PKNOX1: variants seen among roughly 807,000 people sequenced by gnomAD.
PKNOX1 encodes the protein homeobox protein PKNOX1.
Under a neutral mutation model 51.9 loss-of-function variants are expected in PKNOX1, and 15 were observed. The ratio of observed to expected loss-of-function variants is 0.29; its 90% CI spans 0.19 to 0.45. The LOEUF (loss-of-function observed/expected upper bound fraction) is 0.45, where lower values mean the gene tolerates loss of function less well. Among genes scored for constraint, PKNOX1 ranks in the 20% least tolerant of loss-of-function variants. The pLI is 1.00. For synonymous variants in PKNOX1, 219 were observed against 211.1 expected (o/e 1.04, Z -0.32); for missense variants, 462 against 547.5 (o/e 0.84, Z 1.56).
At chr21:42,977,537 CTTTTTTTT>C (rs3044504) in intron 1 of PKNOX1, among the ~76,000 whole-genome samples, 31 of 47,162 alleles carry the variant, frequency 6.6e-4, no homozygotes, top group Admixed American at 1.8e-3. Flanking sequence ...CTGCTTCCAA[CTTTTTTTT>C]TTTTTTTTTT....
chr21:43,017,681 A>G (rs1002934638), intron 6 of PKNOX1: 1 of 154,940 alleles, frequency 6.5e-6, no homozygotes, highest in Non-Finnish European at 1.4e-5. Context: ...GGCTAGCAAA[A>G]GGAAGGGAGC....
At position 43,029,957 on chromosome 21, in the gene PKNOX1, C is replaced by A; in HGVS notation, c.1167C>A (p.Asp389Glu). The change falls in exon 11 of 11, where the codon GAC (aspartate) becomes GAA (glutamate). Residue 389 changes from aspartate (D) to glutamate (E), a missense_variant. By Grantham distance (45) the Asp-to-Glu change is conservative. This residue lies in a region of PKNOX1 where 118 missense variants were observed against 116.8 expected (regional missense o/e 1.01). Transcript: ENST00000291547. ...ACAGCCTTCAGTCTCTGTCCTCGGA[C>A]GGGGCCACCCTGGCGGTGCAGCAGG... ...NVDSLQSLSS[D>E]GATLAVQQVM... is the part of the protein sequence containing the mutation. 1.9e-6 allele frequency: 3 copies of A among 1,614,158 alleles called. No homozygotes were observed. The highest frequency in any genetic ancestry group is 2.5e-6 in the Non-Finnish European group (3 of 1,180,018).
At chr21:43,024,025 C>T (rs957098388) in intron 8 of PKNOX1, among the ~76,000 whole-genome samples, 3 of 151,976 alleles carry the variant, frequency 2.0e-5, no homozygotes, top group South Asian at 2.1e-4. Flanking sequence ...TGAGGCACCG[C>T]GCCTGGCCCT....
chr21:42,992,096 G>A (rs1013913359), intron 1 of PKNOX1, among the ~76,000 whole-genome samples: 2 of 152,156 alleles, frequency 1.3e-5, no homozygotes, highest in African/African-American at 2.4e-5. Flanking sequence ...AGCGTCTTTC[G>A]TGGTGCTTGC....
Position 43,006,160 on chromosome 21 carries a change from G to T in PKNOX1, c.52-1331G>T, listed in dbSNP as rs562464763. On this transcript the variant is annotated intron_variant, in intron 2 of 10. Coordinates refer to ENST00000291547, the MANE Select transcript of PKNOX1 (RefSeq NM_004571.5). ...TTATTTTGAGACAGAGTCTTGCTCT[G>T]TTGCCCCGGCTGGAGTGCAGTGGTG... Among the ~76,000 whole-genome samples the T allele has an allele frequency of 1.4e-4, 21 of 151,676 alleles. No homozygotes were observed. The East Asian group carries it at 2.9e-3, about 21-fold the overall frequency.
chr21:42,980,134 A>G (rs1601262945), intron 1 of PKNOX1, among the ~76,000 whole-genome samples: 1 of 152,274 alleles, frequency 6.6e-6, no homozygotes. Context: ...GCGCTTTGGG[A>G]GGCCGAGGTG....
rs1978713199 is a variant in PKNOX1 at position 43,000,692 on chromosome 21, G to C, written c.-56-3634G>C. Among the ~76,000 whole-genome samples, 3 of 151,796 alleles carry C rather than the reference G, an allele frequency of 2.0e-5. No individual in the cohort carries two copies. The South Asian group carries it at 6.3e-4, about 32-fold the overall frequency. ...GCTTGAGCCCAGGAATTCAAGACCA[G>C]CCTGAGCAATATAGCAAGACTTCAT... On this transcript the variant is annotated intron_variant, in intron 1 of 10. Coordinates refer to ENST00000291547, the MANE Select transcript of PKNOX1 (RefSeq NM_004571.5).
intron 1 of PKNOX1, among the ~76,000 whole-genome samples, chr21:42,975,249 G>A (rs561385395): frequency 0.035 from 5,261 of 150,164 alleles, 133 homozygotes; most frequent in Middle Eastern, 0.062. Flanking sequence ...CCGCGACCCC[G>A]GCCCCGGCCT....
intron 10 of PKNOX1, among the ~76,000 whole-genome samples, chr21:43,029,424 G>GTTTTTTTTTTTTTTTTTTTTTTTT (rs138486584): frequency 2.1e-4 from 13 of 63,288 alleles, no homozygotes; most frequent in East Asian, 4.6e-4. Flanking sequence ...TGTTTGCTTT[G>GTTTTTTTTTTTTTTTTTTTTTTTT]TTTTTTTTTT....
chr21:43,032,026 T>A lies in PKNOX1; in HGVS notation c.*1925T>A. The A allele has an allele frequency of 2.7e-6, 1 of 374,860 alleles. No homozygotes were observed. The highest frequency in any genetic ancestry group is 5.4e-6 in the Non-Finnish European group (1 of 186,448). 23.2% of individuals were successfully genotyped at this position (374,860 alleles called of 1,614,324 possible). A position where few individuals can be genotyped will look rare whatever the true frequency, so the allele number is the denominator to read the frequency against. ...ACAGGCATGCGCCACCACACCCGGC[T>A]AATTTTGTATTTTTAGTAGAGATGG... On this transcript the variant is annotated 3_prime_UTR_variant, in exon 11 of 11. Transcript: ENST00000291547.
rs1601300790 is a variant in PKNOX1, at chr21:43,021,885, C to T, written c.849+454C>T. On this transcript the variant is annotated intron_variant, in intron 8 of 10. Transcript: ENST00000291547. The surrounding 1 kb of genome is among the most constrained non-coding windows in gnomAD (Gnocchi z 4.6). ...CTGGAAGCGAGTTTGTCCCACAGGG[C>T]GCGCCGTTTTGCCCAGCACGTGTGC... is the stretch of plus-strand genomic sequence containing the variant. 6.6e-6 allele frequency among the ~76,000 whole-genome samples: 1 copy of T among 152,258 alleles called. No individual in the cohort carries two copies. The highest frequency in any genetic ancestry group is 6.5e-5 in the Admixed American group (1 of 15,288).
chr21:43,019,665 C>T (rs1192330235), intron 7 of PKNOX1, among the ~76,000 whole-genome samples: 1 of 151,798 alleles, frequency 6.6e-6, no homozygotes, highest in Non-Finnish European at 1.5e-5. Flanking sequence ...GCCTCAGCCT[C>T]CCGAGTAGCT....
At chr21:43,022,465 A>G (rs1979805349) in intron 8 of PKNOX1, among the ~76,000 whole-genome samples, 1 of 152,016 alleles carries the variant, frequency 6.6e-6, no homozygotes, top group Non-Finnish European at 1.5e-5. Context: ...ACTGGTGGGT[A>G]GTGTTGCTGA....
rs1306950129 is a variant in PKNOX1 at position 43,030,373 on chromosome 21, C to G, written c.*272C>G. On this transcript the variant is annotated 3_prime_UTR_variant, in exon 11 of 11. Transcript: ENST00000291547. ...ATTGTGAGGAATGACACACCACTCC[C>G]TCCCCACCTTGAATCCCTAATTAGA... The G allele has an allele frequency of 3.5e-6, 1 of 282,118 alleles. No homozygotes were observed. The highest frequency in any genetic ancestry group is 6.6e-6 in the Non-Finnish European group (1 of 152,092). 17.5% of individuals were successfully genotyped at this position (282,118 alleles called of 1,614,324 possible). A position where few individuals can be genotyped will look rare whatever the true frequency, so the allele number is the denominator to read the frequency against.
At chr21:42,975,610 G>T (rs1321572791) in intron 1 of PKNOX1, among the ~76,000 whole-genome samples, 1 of 152,222 alleles carries the variant, frequency 6.6e-6, no homozygotes, top group Admixed American at 6.5e-5. Context: ...TTGGACAGTG[G>T]CTCTGCGACG....
intron 1 of PKNOX1, among the ~76,000 whole-genome samples, chr21:42,975,051 G>GCGGGGA (rs1568883286): frequency 6.9e-6 from 1 of 144,652 alleles, no homozygotes. Flanking sequence ...CCGGCGCGGG[G>GCGGGGA]CGGGGGCGCG....
intron 1 of PKNOX1, among the ~76,000 whole-genome samples, chr21:42,993,079 C>G (rs1258272098): frequency 6.6e-6 from 1 of 152,064 alleles, no homozygotes; most frequent in East Asian, 1.9e-4. Flanking sequence ...AGTCGCACAC[C>G]ATCATTTCCA....
At chr21:43,012,917 C>A in intron 4 of PKNOX1, 151 bp from the exon 5 acceptor site, 2 of 628,942 alleles carry the variant, frequency 3.2e-6, no homozygotes, top group Non-Finnish European at 5.5e-6. Flanking sequence ...CGGAACAACA[C>A]ATCAGTTTAG....
Position 43,021,547 on chromosome 21 carries a change from T to A in PKNOX1, c.849+116T>A. The A allele has an allele frequency of 7.9e-7, 1 of 1,258,394 alleles. No homozygotes were observed. Among genetic ancestry groups the A allele is most frequent in the South Asian group, 1.5e-5 (1 of 65,848 alleles). The allele number at this position is 1,258,394 out of a possible 1,614,324, so 78.0% of individuals were successfully genotyped here. ...GCTCAGAAAATCAAAGGCCTGACTT[T>A]CAGGACTTTGTGGCATGTCCATAAT... On this transcript the variant is annotated intron_variant, in intron 8 of 10. Coordinates refer to ENST00000291547, the MANE Select transcript of PKNOX1 (RefSeq NM_004571.5). The surrounding 1 kb of genome is among the most constrained non-coding windows in gnomAD (Gnocchi z 4.6).
Sources: allele counts gnomAD v4.1 joint callset (sites outside exome capture counted in the v4.1 genomes callset), GRCh38; gene constraint gnomAD v4.1.1; regional missense constraint gnomAD v4.1.1; non-coding constraint Gnocchi (gnomAD v3.1); transcripts MANE v1.5; gene names NCBI Gene and HGNC (gene_info 2026-07-23, HGNC 2026-07-21).